The following PCDHGA4 variants were observed in gnomAD, a reference collection of about 807,000 sequenced individuals.
The protein encoded by PCDHGA4 is protocadherin gamma-A4.
A neutral mutation model predicts 54.6 loss-of-function variants in PCDHGA4; 38 were observed. The observed-to-expected ratio is 0.70, with a 90% CI of 0.54 to 0.91. PCDHGA4 has a LOEUF of 0.91. PCDHGA4 is among the 40% of genes least tolerant of loss of function. The pLI is 0.00. For synonymous variants in PCDHGA4, 511 were observed against 512.9 expected, an observed-to-expected ratio of 1.00 and a Z score of 0.05; for missense variants, 1,298 against 1,220.9, an observed-to-expected ratio of 1.06 and a Z score of -0.94.
chr5:141,362,160 C>T (rs1215188936), intron 1 of PCDHGA4: 4 of 1,614,070 alleles, frequency 2.5e-6, no homozygotes, highest in Non-Finnish European at 3.4e-6. Context: ...TGCCAGACCT[C>T]AGCGACCGCC....
intron 1 of PCDHGA4, among the ~76,000 whole-genome samples, chr5:141,483,310 A>G (rs2099579870): frequency 6.6e-6 from 1 of 152,156 alleles, no homozygotes; most frequent in African/African-American, 2.4e-5. Context: ...GACTGGGGAC[A>G]TTGGGACTGG....
At chr5:141,441,725 C>T (rs2098268012) in intron 1 of PCDHGA4, 3 of 352,332 alleles carry the variant, frequency 8.5e-6, no homozygotes. Flanking sequence ...AGGCCCGCGA[C>T]CAGGACTAGC....
intron 1 of PCDHGA4, chr5:141,370,676 G>A (rs772923764): frequency 1.9e-6 from 3 of 1,613,892 alleles, no homozygotes; most frequent in Non-Finnish European, 2.5e-6. Context: ...ACCGAGAGGA[G>A]ATTTGTGGCA....
In PCDHGA4 at chr5:141,505,470, C is replaced by T. The variant is rs1241228956; in HGVS notation, c.2651C>T (p.Ala884Val). Reference protein sequence around the residue: ...DTEMLQAMILASASEAADGSS... With the variant: ...DTEMLQAMILVSASEAADGSS... ...GAGATGCTGCAAGCCATGATCTTGG[C>T]GTCCGCCAGTGGTAAGTGGTGTCAG... The change falls in exon 3 of 4, where the codon GCG becomes GTG. Residue 884 changes from alanine (A) to valine (V), a missense_variant. By Grantham distance (64) the Ala-to-Val change is moderately conservative. Transcript: ENST00000571252. 2 of 1,614,068 alleles carry T rather than the reference C, an allele frequency of 1.2e-6. No individual in the cohort carries two copies. Among genetic ancestry groups the T allele is most frequent in the Non-Finnish European group, 8.5e-7 (1 of 1,180,010 alleles).
chr5:141,365,862 C>T (rs1424716310), intron 1 of PCDHGA4: 10 of 1,613,946 alleles, frequency 6.2e-6, no homozygotes, highest in African/African-American at 4.0e-5. Context: ...AACTCTGACA[C>T]CGGTGTCCTG....
rs1457099502 is a variant in PCDHGA4 at position 141,477,430 on chromosome 5, A to G, written c.2515-17377A>G. The G allele has an allele frequency of 1.2e-6, 2 of 1,614,162 alleles. No individual in the cohort carries two copies. The highest frequency in any genetic ancestry group is 1.7e-6 in the Non-Finnish European group (2 of 1,180,020). Reference sequence around the variant, plus strand: ...GAGACGCCGGAACCCCTTCCCTCTCAGCCCTTACAATAGTGCGTGTTCAAG... The same window carrying G: ...GAGACGCCGGAACCCCTTCCCTCTCGGCCCTTACAATAGTGCGTGTTCAAG... On this transcript the variant is annotated intron_variant, in intron 1 of 3. Transcript: ENST00000571252. This position sits in a 1 kb window ranked among gnomAD's most constrained non-coding sequence, Gnocchi z 4.9.
chr5:141,388,407 A>G (rs2091351140), intron 1 of PCDHGA4: 6 of 1,613,878 alleles, frequency 3.7e-6, no homozygotes, highest in Middle Eastern at 3.3e-4. Flanking sequence ...ACTCAGTCCC[A>G]GTGATCATTT....
chr5:141,360,474 A>C, intron 1 of PCDHGA4: 1 of 1,613,982 alleles, frequency 6.2e-7, no homozygotes, highest in Non-Finnish European at 8.5e-7. Context: ...CTGAAAATCC[A>C]CTAAATATTT....
At chr5:141,459,531 A>G (rs1479666418) in intron 1 of PCDHGA4, among the ~76,000 whole-genome samples, 2 of 152,184 alleles carry the variant, frequency 1.3e-5, no homozygotes, top group Admixed American at 1.3e-4. Context: ...TTTTGTAGGC[A>G]TATTTTTTTT....
In PCDHGA4 at chr5:141,485,354, G is replaced by C; in HGVS notation, c.2515-9453G>C. 7 of 1,614,176 alleles carry C rather than the reference G, an allele frequency of 4.3e-6. No homozygotes were observed. Among genetic ancestry groups the C allele is most frequent in the Non-Finnish European group, 5.1e-6 (6 of 1,180,024 alleles). Reference sequence around the variant, plus strand: ...CCTGCTGGATACGGACAGTCTGTCAGCTCGCAGGCTGCAGGTCGCTGGAGA... The same window carrying C: ...CCTGCTGGATACGGACAGTCTGTCACCTCGCAGGCTGCAGGTCGCTGGAGA... On this transcript the variant is annotated intron_variant, in intron 1 of 3. Transcript: ENST00000571252. This position sits in a 1 kb window ranked among gnomAD's most constrained non-coding sequence, Gnocchi z 5.7.
chr5:141,366,798 T>C, intron 1 of PCDHGA4: 1 of 1,567,294 alleles, frequency 6.4e-7, no homozygotes, highest in Non-Finnish European at 8.7e-7. Context: ...TTTCATTTGT[T>C]TCCTTTTTCA....
At chr5:141,388,464 A>G (rs750047903) in intron 1 of PCDHGA4, 2 of 1,613,850 alleles carry the variant, frequency 1.2e-6, no homozygotes, top group South Asian at 2.2e-5. Flanking sequence ...ATACCCTGAG[A>G]TGGTATTGAA....
chr5:141,434,254 T>C (rs1440934691), intron 1 of PCDHGA4, among the ~76,000 whole-genome samples: 3 of 152,176 alleles, frequency 2.0e-5, no homozygotes, highest in Admixed American at 6.5e-5. Context: ...TTGGGCATTG[T>C]GGGGGAGGTG....
chr5:141,432,725 G>A lies in PCDHGA4; in HGVS notation c.2515-62082G>A, dbSNP rs755759587. The A allele has an allele frequency of 7.4e-6, 12 of 1,613,896 alleles. No individual in the cohort carries two copies. Among genetic ancestry groups the A allele is most frequent in the African/African-American group, 1.3e-5 (1 of 74,932 alleles). On this transcript the variant is annotated intron_variant, in intron 1 of 3. Transcript: ENST00000571252. This position sits in a 1 kb window ranked among gnomAD's most constrained non-coding sequence, Gnocchi z 6.0. ...GGACCACGGCCAGCCCCCTCTCTCC[G>A]CCACTGTCACGCTCACCGTGGCCGT...
chr5:141,415,811 A>G (rs2095960996), intron 1 of PCDHGA4: 5 of 1,340,748 alleles, frequency 3.7e-6, no homozygotes, highest in South Asian at 1.7e-5. Flanking sequence ...ATCAAGGCCT[A>G]TATATCATAA....
chr5:141,476,716 C>T lies in PCDHGA4; in HGVS notation c.2515-18091C>T. On this transcript the variant is annotated intron_variant, in intron 1 of 3. Transcript: ENST00000571252. This position sits in a 1 kb window ranked among gnomAD's most constrained non-coding sequence, Gnocchi z 7.6. ...AGTACGCGGAGCTGGTGTTGGAGCG[C>T]GCCCTGGACCGAGAACGGGAGCCTA... 15 of 1,614,148 alleles carry T rather than the reference C, an allele frequency of 9.3e-6. No homozygotes were observed. The highest frequency in any genetic ancestry group is 1.3e-5 in the Non-Finnish European group (15 of 1,180,036).
Position 141,510,956 on chromosome 5 carries a change from A to T in PCDHGA4, c.2672A>T (p.Asp891Val). 1 of 1,614,104 alleles carries T rather than the reference A, an allele frequency of 6.2e-7. No homozygotes were observed. The highest frequency in any genetic ancestry group is 8.5e-7 in the Non-Finnish European group (1 of 1,179,996). The change falls in exon 4 of 4, where the codon GAT becomes GTT. Residue 891 changes from aspartate to valine, a missense_variant. Asp to Val is a radical substitution (Grantham distance 152). Transcript: ENST00000571252. ...MILASASEAA[D>V]GSSTLGGGAG... ...TCCTCTGTCTCTGCAGAAGCTGCTG[A>T]TGGGAGCTCCACCCTGGGAGGGGGT...
intron 1 of PCDHGA4, chr5:141,408,074 C>T: frequency 7.2e-7 from 1 of 1,395,302 alleles, no homozygotes; most frequent in Non-Finnish European, 9.5e-7. Context: ...CAGACCTTTC[C>T]CAGCACAGCG....
intron 1 of PCDHGA4, among the ~76,000 whole-genome samples, chr5:141,357,988 G>A (rs182499898): frequency 1.8e-4 from 27 of 152,224 alleles, no homozygotes; most frequent in African/African-American, 5.5e-4. Context: ...TCAGGAGTTC[G>A]AGACCAGTCT....
Sources: allele counts gnomAD v4.1 joint callset (sites outside exome capture counted in the v4.1 genomes callset), GRCh38; gene constraint gnomAD v4.1.1; non-coding constraint Gnocchi (gnomAD v3.1); transcripts MANE v1.5; gene names NCBI Gene and HGNC (gene_info 2026-07-23, HGNC 2026-07-21).